Variants in GRIN2D observed in about 807,000 individuals in gnomAD.
GRIN2D encodes glutamate ionotropic receptor NMDA type subunit 2D, also known as glutamate receptor ionotropic, NMDA 2D.
GRIN2D carries 37 observed loss-of-function variants against 103.2 expected under a neutral mutation model. The observed-to-expected ratio is 0.36, with a 90% CI of 0.28 to 0.47. The LOEUF (loss-of-function observed/expected upper bound fraction) is 0.47. Ranked by LOEUF, GRIN2D falls within the 20% of genes least tolerant of loss-of-function variation. The pLI is 1.00. For synonymous variants in GRIN2D, 845 were observed against 885.6 expected (o/e 0.95, Z 0.81); for missense variants, 1,557 against 1,910.6 (o/e 0.81, Z 3.45).
rs772824802 is a variant in GRIN2D, at chr19:48,442,020, G to A, written c.2440+64G>A. 53 of 1,533,196 alleles carry A rather than the reference G, an allele frequency of 3.5e-5. No individual in the cohort carries two copies. The highest frequency in any genetic ancestry group is 4.5e-5 in the Non-Finnish European group (51 of 1,127,106). 95.0% of individuals were successfully genotyped at this position (1,533,196 alleles called of 1,614,324 possible). A position where few individuals can be genotyped will look rare whatever the true frequency, so the allele number is the denominator to read the frequency against. Reference sequence around the variant, plus strand: ...GAGGGCGAGGCCCCTGGGTTCCGGGGAAGAAAGGGACAAAGACCCGGACAC... The same window carrying A: ...GAGGGCGAGGCCCCTGGGTTCCGGGAAAGAAAGGGACAAAGACCCGGACAC... On this transcript the variant is annotated intron_variant, in intron 12 of 13. Coordinates refer to ENST00000263269, the MANE Select transcript of GRIN2D (RefSeq NM_000836.4). The surrounding 1 kb of genome is among the most constrained non-coding windows in gnomAD (Gnocchi z 7.2).
Position 48,444,031 on chromosome 19 carries a change from G to C in GRIN2D, c.*94G>C, listed in dbSNP as rs1971348633. ...GACAGGACCCGCGTGGGTTGGGAAG[G>C]AAAGCAGTGGAACTGGCCGGACCCC... is the stretch of plus-strand genomic sequence containing the variant. On this transcript the variant is annotated 3_prime_UTR_variant, in exon 14 of 14. Coordinates refer to ENST00000263269, the MANE Select transcript of GRIN2D (RefSeq NM_000836.4). This position sits in a 1 kb window ranked among gnomAD's most constrained non-coding sequence, Gnocchi z 5.5. 4.8e-6 allele frequency: 4 copies of C among 837,316 alleles called. No homozygotes were observed. The South Asian group carries it at 1.0e-4, about 22-fold the overall frequency. The allele number at this position is 837,316 out of a possible 1,614,324, so 51.9% of individuals were successfully genotyped here. A position where few individuals can be genotyped will look rare whatever the true frequency, so the allele number is the denominator to read the frequency against.
intron 11 of GRIN2D, among the ~76,000 whole-genome samples, chr19:48,436,985 G>T (rs956816726): frequency 1.3e-5 from 2 of 152,160 alleles, no homozygotes; most frequent in Admixed American, 6.5e-5. Flanking sequence ...AAGGGACAGC[G>T]CTGACTCAAA....
chr19:48,395,671 C>T (rs1970630880), intron 2 of GRIN2D, among the ~76,000 whole-genome samples: 2 of 152,044 alleles, frequency 1.3e-5, no homozygotes, highest in South Asian at 4.2e-4. Context: ...CTCCTCCTCC[C>T]CGCTTGGGGA....
chr19:48,435,326 C>G (rs1971216352), intron 11 of GRIN2D, among the ~76,000 whole-genome samples: 1 of 117,902 alleles, frequency 8.5e-6, no homozygotes, highest in African/African-American at 3.2e-5. Flanking sequence ...GAGACGGAGT[C>G]TTGCTCTTGC....
chr19:48,397,527 G>A (rs547289906), intron 2 of GRIN2D, among the ~76,000 whole-genome samples: 1 of 151,606 alleles, frequency 6.6e-6, no homozygotes, highest in East Asian at 1.9e-4. Context: ...TTATGTGCGC[G>A]TGTCTCTTGG....
chr19:48,403,192 C>G (rs1429739564), intron 3 of GRIN2D, among the ~76,000 whole-genome samples: 3 of 124,840 alleles, frequency 2.4e-5, no homozygotes, highest in Non-Finnish European at 4.8e-5. Flanking sequence ...GAGGAAGACT[C>G]TGTCTCAAAA....
chr19:48,431,946 C>T (rs988706985), intron 11 of GRIN2D, among the ~76,000 whole-genome samples: 1 of 149,520 alleles, frequency 6.7e-6, no homozygotes. Context: ...CAGAGTCTTG[C>T]TCTGTCACCA....
chr19:48,394,040 A>T lies in GRIN2D; in HGVS notation c.-306+172A>T, dbSNP rs1970599217. On this transcript the variant is annotated intron_variant, in intron 1 of 13. Transcript: ENST00000263269. The surrounding 1 kb of genome is among the most constrained non-coding windows in gnomAD (Gnocchi z 5.1). Reference sequence around the variant, plus strand: ...TTCCCCCCGGCCCCCCCAAACCCAGATGGATGGTGTGTACCTGGGTTCTGT... The same window carrying T: ...TTCCCCCCGGCCCCCCCAAACCCAGTTGGATGGTGTGTACCTGGGTTCTGT... 6.6e-6 allele frequency among the ~76,000 whole-genome samples: 1 copy of T among 151,840 alleles called. No individual in the cohort carries two copies.
At chr19:48,406,132 A>G (rs905014614) in intron 4 of GRIN2D, among the ~76,000 whole-genome samples, 1 of 152,152 alleles carries the variant, frequency 6.6e-6, no homozygotes, top group Non-Finnish European at 1.5e-5. Context: ...GATTAGCTAG[A>G]CGCCTATTCT....
intron 11 of GRIN2D, among the ~76,000 whole-genome samples, chr19:48,431,155 G>A (rs1490545766): frequency 6.6e-6 from 1 of 152,036 alleles, no homozygotes; most frequent in Admixed American, 6.6e-5. Flanking sequence ...TGCTCTTATG[G>A]CCTTCTGGCC....
At position 48,442,350 on chromosome 19, in the gene GRIN2D, C is replaced by T; in HGVS notation, c.2641C>T (p.His881Tyr). 6.2e-7 allele frequency: 1 copy of T among 1,613,210 alleles called. No homozygotes were observed. Among genetic ancestry groups the T allele is most frequent in the Admixed American group, 1.7e-5 (1 of 60,010 alleles). Residue 881 changes from histidine (H) to tyrosine (Y), a missense_variant, in exon 13 of 14, where the codon CAC becomes TAC. By Grantham distance (83) the His-to-Tyr change is moderately conservative. This residue lies in a region of GRIN2D where 632 missense variants were observed against 572.8 expected (regional missense o/e 1.10). Transcript: ENST00000263269. The surrounding 1 kb of genome is among the most constrained non-coding windows in gnomAD (Gnocchi z 7.2). ...WRLRHCLGPT[H>Y]RMDFLLAFSR... ...CCTGCGGCACTGCCTGGGGCCCACC[C>T]ACCGCATGGACTTCCTGCTGGCCTT...
At chr19:48,424,731 A>T (rs1971067455) in intron 11 of GRIN2D, among the ~76,000 whole-genome samples, 2 of 152,170 alleles carry the variant, frequency 1.3e-5, no homozygotes, top group Non-Finnish European at 2.9e-5. Flanking sequence ...CTAGGTTCAG[A>T]GTGACCACAT....
intron 11 of GRIN2D, among the ~76,000 whole-genome samples, chr19:48,432,737 G>A (rs1263984887): frequency 6.6e-6 from 1 of 151,324 alleles, no homozygotes; most frequent in East Asian, 2.0e-4. Context: ...AGGATTACAG[G>A]TGTGAGGCAC....
chr19:48,406,466 A>G (rs1198039227), intron 4 of GRIN2D, among the ~76,000 whole-genome samples: 1 of 152,132 alleles, frequency 6.6e-6, no homozygotes, highest in African/African-American at 2.4e-5. Context: ...CTGAACGAGG[A>G]TGGGGTGAAT....
Position 48,398,497 on chromosome 19 carries a change from G to GGGCGGGGCCGGTGGGCCCGGC in GRIN2D, c.111_131dup (p.Ala38_Gly44dup). The GGGCGGGGCCGGTGGGCCCGGC allele has an allele frequency of 9.9e-7, 1 of 1,013,436 alleles. No individual in the cohort carries two copies. Among genetic ancestry groups the GGGCGGGGCCGGTGGGCCCGGC allele is most frequent in the Non-Finnish European group, 1.2e-6 (1 of 850,110 alleles). The allele number at this position is 1,013,436 out of a possible 1,614,324, so 62.8% of individuals were successfully genotyped here. On this transcript the variant is annotated inframe_insertion, in exon 3 of 14. Coordinates refer to ENST00000263269, the MANE Select transcript of GRIN2D (RefSeq NM_000836.4). ...CGTTCCCGGAGGAGGCGCCGGGGCC[G>GGGCGGGGCCGGTGGGCCCGGC]GGCGGGGCCGGTGGGCCCGGCGGCG...
intron 4 of GRIN2D, among the ~76,000 whole-genome samples, chr19:48,407,846 G>T (rs145730116): frequency 2.8e-3 from 428 of 152,342 alleles, no homozygotes; most frequent in African/African-American, 9.9e-3. Context: ...GCTATGCTAG[G>T]TGGGGTGGTC....
Position 48,419,441 on chromosome 19 carries a change from A to AGG in GRIN2D, c.1861+88_1861+89dup, listed in dbSNP as rs200616425. 6.6e-6 allele frequency: 10 copies of AGG among 1,511,340 alleles called. No individual in the cohort carries two copies. In the East Asian group the frequency reaches 1.8e-4, roughly 27 times the overall value. The allele number at this position is 1,511,340 out of a possible 1,614,324, so 93.6% of individuals were successfully genotyped here. On this transcript the variant is annotated intron_variant, in intron 9 of 13. Transcript: ENST00000263269. ...AACTACATTTCCCAGCAGCCCCTGG[A>AGG]GGGGGGGCGGTCAAGCTAGGGCCTC... is the stretch of plus-strand genomic sequence containing the variant.
intron 11 of GRIN2D, among the ~76,000 whole-genome samples, chr19:48,425,532 G>T (rs769524406): frequency 6.6e-6 from 1 of 152,096 alleles, no homozygotes; most frequent in Non-Finnish European, 1.5e-5. Flanking sequence ...GTGAGCCACC[G>T]TATCCAGCGG....
At chr19:48,422,559 C>T (rs926593097) in intron 11 of GRIN2D, among the ~76,000 whole-genome samples, 9 of 151,062 alleles carry the variant, frequency 6.0e-5, no homozygotes, top group East Asian at 3.9e-4. Flanking sequence ...TGCAGTGAGC[C>T]GAGATCATGC....
Sources: gnomAD v4.1 joint callset for allele counts (sites outside exome capture counted in the v4.1 genomes callset) on GRCh38, gnomAD v4.1.1 for gene constraint, gnomAD v4.1.1 regional missense constraint, Gnocchi (gnomAD v3.1) non-coding constraint, MANE v1.5 for transcripts, NCBI Gene and HGNC (gene_info 2026-07-23, HGNC 2026-07-21) for gene names.